Variants in RASGEF1C observed in about 807,000 individuals in gnomAD.
The protein encoded by RASGEF1C is ras-GEF domain-containing family member 1C.
A neutral mutation model predicts 58.1 loss-of-function variants in RASGEF1C; 27 were observed. That is an observed-to-expected ratio of 0.46 (90% CI 0.34 to 0.64). RASGEF1C has a LOEUF of 0.64. Among genes scored for constraint, RASGEF1C ranks in the 30% least tolerant of loss-of-function variants. The pLI is 0.01. For missense variants in RASGEF1C, 502 were observed against 605.1 expected (o/e 0.83, Z 1.79); for synonymous variants, 243 against 246.3 (o/e 0.99, Z 0.13).
intron 1 of RASGEF1C, among the ~76,000 whole-genome samples, chr5:180,174,073 G>A (rs2113314114): frequency 6.6e-6 from 1 of 152,172 alleles, no homozygotes. Flanking sequence ...CCTTCCGCCT[G>A]GAGACGGTGG....
At position 180,137,735 on chromosome 5, in the gene RASGEF1C, G is replaced by A. The variant is rs958697016; in HGVS notation, c.178-23C>T. Reference sequence around the variant, plus strand: ...TTTCTGGGGGACACACGAGAAAGAGGGCACAGGCTCAGGAGGGCACCAGGA... The same window carrying A: ...TTTCTGGGGGACACACGAGAAAGAGAGCACAGGCTCAGGAGGGCACCAGGA... On this transcript the variant is annotated intron_variant, in intron 2 of 13. Transcript: ENST00000361132. This position sits in a 1 kb window ranked among gnomAD's most constrained non-coding sequence, Gnocchi z 4.1. The A allele has an allele frequency of 6.2e-7, 1 of 1,612,486 alleles. No homozygotes were observed. Among genetic ancestry groups the A allele is most frequent in the Non-Finnish European group, 8.5e-7 (1 of 1,179,610 alleles).
chr5:180,124,848 T>C (rs1291178067), intron 6 of RASGEF1C, among the ~76,000 whole-genome samples: 1 of 146,004 alleles, frequency 6.8e-6, no homozygotes, highest in Non-Finnish European at 1.5e-5. Context: ...AATAAAAAAC[T>C]AGGCCAGGTG....
Position 180,138,018 on chromosome 5 carries a change from G to A in RASGEF1C, c.35C>T (p.Thr12Ile), listed in dbSNP as rs1215723005. 3.2e-6 allele frequency: 5 copies of A among 1,554,816 alleles called. No homozygotes were observed. The African/African-American group carries it at 5.6e-5, about 17-fold the overall frequency. ...PQTLSASDMV[T>I]PGSLSPPPTE... is the part of the protein sequence containing the mutation. ...GGGGGGTGGGCTGAGGCTGCCTGGGGTGACCATGTCGGAGGCACTCAGCGT... is the reference window on the plus strand; with the variant it reads ...GGGGGGTGGGCTGAGGCTGCCTGGGATGACCATGTCGGAGGCACTCAGCGT... Residue 12 changes from threonine to isoleucine, a missense_variant, in exon 2 of 14, where the codon ACC becomes ATC. Thr to Ile is a moderately conservative substitution (Grantham distance 89). Coordinates refer to ENST00000361132, the MANE Select transcript of RASGEF1C (RefSeq NM_175062.4).
At chr5:180,173,882 C>T (rs1022001437) in intron 1 of RASGEF1C, among the ~76,000 whole-genome samples, 4 of 149,862 alleles carry the variant, frequency 2.7e-5, no homozygotes, top group South Asian at 2.1e-4. Flanking sequence ...CACTGCACTC[C>T]AGCCTGGGCA....
At position 180,182,320 on chromosome 5, in the gene RASGEF1C, C is replaced by A. The variant is rs530143947; in HGVS notation, c.-7+26708G>T. 4.7e-5 allele frequency among the ~76,000 whole-genome samples: 7 copies of A among 150,232 alleles called. No homozygotes were observed. The Admixed American group carries it at 4.7e-4, about 10-fold the overall frequency. On this transcript the variant is annotated intron_variant, in intron 1 of 13. Coordinates refer to ENST00000361132, the MANE Select transcript of RASGEF1C (RefSeq NM_175062.4). ...TTCTTCCTTCCGGTGGGTTTGTGGT[C>A]TCGCTGACTTCAAGAATGAAGCCGC...
chr5:180,169,384 C>G (rs1397349784), intron 1 of RASGEF1C, among the ~76,000 whole-genome samples: 2 of 152,180 alleles, frequency 1.3e-5, no homozygotes, highest in Non-Finnish European at 2.9e-5. Flanking sequence ...TGGAACACAT[C>G]CCCTGGCCCC....
At chr5:180,207,619 G>T (rs1362257821) in intron 1 of RASGEF1C, among the ~76,000 whole-genome samples, 4 of 151,796 alleles carry the variant, frequency 2.6e-5, no homozygotes, top group Non-Finnish European at 5.9e-5. Flanking sequence ...TCCGCAGCCC[G>T]TCCCTCTCTC....
chr5:180,191,635 C>T lies in RASGEF1C; in HGVS notation c.-7+17393G>A, dbSNP rs138995204. Among the ~76,000 whole-genome samples, 666 of 152,292 alleles carry T rather than the reference C, an allele frequency of 4.4e-3. 17 individuals are homozygous for T. The South Asian group carries it at 0.057, about 13-fold the overall frequency. On this transcript the variant is annotated intron_variant, in intron 1 of 13. Coordinates refer to ENST00000361132, the MANE Select transcript of RASGEF1C (RefSeq NM_175062.4). ...CCTCCCAAAGTGCTGGGATTACAGG[C>T]GTGAGCCACCGCGCCCGGCCACAGT... is the stretch of plus-strand genomic sequence containing the variant.
rs1756311521 is a variant in RASGEF1C, at chr5:180,198,028, T to A, written c.-7+11000A>T. Among the ~76,000 whole-genome samples, 1 of 152,198 alleles carries A rather than the reference T, an allele frequency of 6.6e-6. No homozygotes were observed. Among genetic ancestry groups the A allele is most frequent in the Admixed American group, 6.5e-5 (1 of 15,284 alleles). ...GTGCCTGAGTTAGCGTATTCCAAAT[T>A]CATAAACCAAGGTGACCCCTCACAT... On this transcript the variant is annotated intron_variant, in intron 1 of 13. Transcript: ENST00000361132. This position sits in a 1 kb window ranked among gnomAD's most constrained non-coding sequence, Gnocchi z 4.5.
chr5:180,103,094 TG>T (rs1302617432), intron 12 of RASGEF1C, among the ~76,000 whole-genome samples: 1 of 152,186 alleles, frequency 6.6e-6, no homozygotes, highest in East Asian at 1.9e-4. Flanking sequence ...AACTTTTTTT[TG>T]AGACAGAAGT....
intron 1 of RASGEF1C, among the ~76,000 whole-genome samples, chr5:180,165,543 G>A (rs964801048): frequency 6.6e-6 from 1 of 151,086 alleles, no homozygotes; most frequent in Non-Finnish European, 1.5e-5. Flanking sequence ...TTGTGGCATG[G>A]GCCTGTATTC....
At chr5:180,163,843 A>G (rs527564849) in intron 1 of RASGEF1C, among the ~76,000 whole-genome samples, 1 of 152,334 alleles carries the variant, frequency 6.6e-6, no homozygotes, top group South Asian at 2.1e-4. Context: ...GGTAGAATTT[A>G]CCAGTAAACC....
At chr5:180,200,310 CT>C (rs762904367) in intron 1 of RASGEF1C, among the ~76,000 whole-genome samples, 68 of 90,238 alleles carry the variant, frequency 7.5e-4, no homozygotes, top group Middle Eastern at 0.011. Context: ...GTACATCATT[CT>C]TTTTTTTTTT....
chr5:180,197,578 A>G lies in RASGEF1C; in HGVS notation c.-7+11450T>C, dbSNP rs1351017082. 6.6e-6 allele frequency among the ~76,000 whole-genome samples: 1 copy of G among 152,180 alleles called. No individual in the cohort carries two copies. Among genetic ancestry groups the G allele is most frequent in the South Asian group, 2.1e-4 (1 of 4,832 alleles). On this transcript the variant is annotated intron_variant, in intron 1 of 13. Transcript: ENST00000361132. The surrounding 1 kb of genome is among the most constrained non-coding windows in gnomAD (Gnocchi z 4.7). Reference sequence around the variant, plus strand: ...AGACTGTCAACCGCACAAACCCCAGACAGCAGGCTGAGCTCAAGGCCCACA... The same window carrying G: ...AGACTGTCAACCGCACAAACCCCAGGCAGCAGGCTGAGCTCAAGGCCCACA...
At chr5:180,104,095 G>A (rs1582257097) in intron 12 of RASGEF1C, among the ~76,000 whole-genome samples, 1 of 152,198 alleles carries the variant, frequency 6.6e-6, no homozygotes. Context: ...AAGGATTCTT[G>A]TGTCTATATT....
At chr5:180,102,772 C>A (rs974067207) in intron 12 of RASGEF1C, among the ~76,000 whole-genome samples, 2 of 152,148 alleles carry the variant, frequency 1.3e-5, no homozygotes, top group Non-Finnish European at 2.9e-5. Flanking sequence ...TCCATCCCTC[C>A]CCTAATACTG....
intron 4 of RASGEF1C, among the ~76,000 whole-genome samples, chr5:180,133,976 T>C (rs1045711983): frequency 2.6e-5 from 4 of 152,110 alleles, no homozygotes; most frequent in African/African-American, 9.7e-5. Context: ...GTTTTACCGA[T>C]AGGGAAACTG....
intron 12 of RASGEF1C, among the ~76,000 whole-genome samples, chr5:180,106,232 GTTC>G (rs1197620352): frequency 6.6e-6 from 1 of 152,148 alleles, no homozygotes; most frequent in Non-Finnish European, 1.5e-5. Context: ...CAATTTTATT[GTTC>G]TTTTCAAAGA....
intron 1 of RASGEF1C, among the ~76,000 whole-genome samples, chr5:180,139,870 CG>C (rs1438193425): frequency 6.6e-6 from 1 of 152,292 alleles, no homozygotes; most frequent in African/African-American, 2.4e-5. Context: ...CTGGGAGGTC[CG>C]TTGTCTCCTG....
Sources: allele counts gnomAD v4.1 joint callset (sites outside exome capture counted in the v4.1 genomes callset), GRCh38; gene constraint gnomAD v4.1.1; non-coding constraint Gnocchi (gnomAD v3.1); transcripts MANE v1.5; gene names NCBI Gene and HGNC (gene_info 2026-07-23, HGNC 2026-07-21).